The following SBK1 variants were observed in gnomAD, a reference collection of about 807,000 sequenced individuals.
SBK1 encodes the protein SH3 domain binding kinase 1.
Under a neutral mutation model 24.4 loss-of-function variants are expected in SBK1, and 11 were observed. The ratio of observed to expected loss-of-function variants is 0.45; its 90% confidence interval spans 0.28 to 0.75. The LOEUF is 0.75. Ranked by LOEUF, SBK1 falls within the 30% of genes least tolerant of loss-of-function variation. SBK1 has a pLI of 0.12. For synonymous variants in SBK1, 308 were observed against 284.4 expected, an observed-to-expected ratio of 1.08 and a Z score of -0.83; for missense variants, 467 against 620.5, an observed-to-expected ratio of 0.75 and a Z score of 2.63.
chr16:28,267,896 C>G (rs1005765863), intron 1 of SBK1, among the ~76,000 whole-genome samples: 4 of 152,154 alleles, frequency 2.6e-5, no homozygotes, highest in African/African-American at 9.7e-5. Flanking sequence ...GCCTGTAATC[C>G]CAGCGCTTTG....
At chr16:28,307,740 A>C (rs2044727039) in intron 1 of SBK1, among the ~76,000 whole-genome samples, 2 of 105,100 alleles carry the variant, frequency 1.9e-5, no homozygotes, top group Non-Finnish European at 3.6e-5. Context: ...ACTCAGTCTC[A>C]AAAAAAAAAA....
Position 28,259,745 on chromosome 16 carries a change from C to G in SBK1, c.257+243C>G, listed in dbSNP as rs2044385669. Among the ~76,000 whole-genome samples, 1 of 152,200 alleles carries G rather than the reference C, an allele frequency of 6.6e-6. No individual in the cohort carries two copies. The highest frequency in any genetic ancestry group is 2.1e-4 in the South Asian group (1 of 4,832). On this transcript the variant is annotated intron_variant, in intron 1 of 3. Coordinates refer to the SBK1 transcript ENST00000671413. This position sits in a 1 kb window ranked among gnomAD's most constrained non-coding sequence, Gnocchi z 6.0. ...GTCCTCTCCCACAGTGAGCATGTCC[C>G]TCCCCTGCTCAGAGCCCTCCATGGC...
chr16:28,320,799 G>T lies in SBK1; in HGVS notation c.1153G>T (p.Val385Leu). Reference sequence around the variant, plus strand: ...CGTGCCGGTGCCGGTGCCAGTGCCCGTGCCGGTGCCTGTGCCCGAGCCCGG... The same window carrying T: ...CGTGCCGGTGCCGGTGCCAGTGCCCTTGCCGGTGCCTGTGCCCGAGCCCGG... ...LPVPVPVPVP[V>L]PVPVPEPGLA... The change falls in exon 4 of 4, where the codon GTG becomes TTG. Residue 385 changes from valine to leucine, a missense_variant. Transcript: ENST00000341901. The surrounding 1 kb of genome is among the most constrained non-coding windows in gnomAD (Gnocchi z 8.5). 9.8e-6 allele frequency: 14 copies of T among 1,435,386 alleles called. No homozygotes were observed. The South Asian group carries it at 1.4e-4, about 14-fold the overall frequency. The allele number at this position is 1,435,386 out of a possible 1,614,324, so 88.9% of individuals were successfully genotyped here.
chr16:28,297,763 G>A (rs1487841442), intron 1 of SBK1, among the ~76,000 whole-genome samples: 3 of 152,206 alleles, frequency 2.0e-5, no homozygotes, highest in Non-Finnish European at 4.4e-5. Context: ...TCGGCAGGTG[G>A]GTGACTGAGC....
At chr16:28,274,743 G>A (rs1359445451) in intron 1 of SBK1, among the ~76,000 whole-genome samples, 1 of 151,994 alleles carries the variant, frequency 6.6e-6, no homozygotes, top group Admixed American at 6.6e-5. Flanking sequence ...AAAAAGAAAG[G>A]AATCATAGTG....
At chr16:28,298,614 C>T (rs1367819991) in intron 1 of SBK1, among the ~76,000 whole-genome samples, 3 of 152,248 alleles carry the variant, frequency 2.0e-5, no homozygotes, top group East Asian at 1.9e-4. Context: ...GCAGATGAAG[C>T]GCTTGAGCAG....
intron 1 of SBK1, among the ~76,000 whole-genome samples, chr16:28,273,849 CCTT>C (rs1484581510): frequency 6.6e-6 from 1 of 152,198 alleles, no homozygotes; most frequent in East Asian, 1.9e-4. Context: ...ATGACAATGT[CCTT>C]CTATAGGTAC....
At chr16:28,307,022 C>G (rs1010643008) in intron 1 of SBK1, among the ~76,000 whole-genome samples, 1 of 152,174 alleles carries the variant, frequency 6.6e-6, no homozygotes, top group Admixed American at 6.6e-5. Flanking sequence ...GGGCAAGGTG[C>G]TCTCTCCCTC....
At chr16:28,284,297 C>G (rs559253570) in intron 1 of SBK1, among the ~76,000 whole-genome samples, 2 of 152,264 alleles carry the variant, frequency 1.3e-5, no homozygotes, top group Non-Finnish European at 2.9e-5. Context: ...TGCCAAATGT[C>G]TCCGATTCCT....
intron 1 of SBK1, among the ~76,000 whole-genome samples, chr16:28,272,908 C>A (rs1171998860): frequency 6.6e-6 from 1 of 151,912 alleles, no homozygotes; most frequent in Non-Finnish European, 1.5e-5. Context: ...GCGTGAGCCA[C>A]CATGCCTGGC....
At chr16:28,305,867 A>C (rs2044713244) in intron 1 of SBK1, among the ~76,000 whole-genome samples, 1 of 152,182 alleles carries the variant, frequency 6.6e-6, no homozygotes, top group South Asian at 2.1e-4. Flanking sequence ...ACGTAGTCAG[A>C]TAAACTGTCT....
chr16:28,318,901 C>G, intron 2 of SBK1, 94 bp from the exon 3 acceptor site: 2 of 896,504 alleles, frequency 2.2e-6, no homozygotes, highest in Non-Finnish European at 3.8e-6. Flanking sequence ...GCTGGGGACC[C>G]TGTTGCACCA....
At chr16:28,308,719 A>G (rs1407720064) in intron 1 of SBK1, among the ~76,000 whole-genome samples, 1 of 148,766 alleles carries the variant, frequency 6.7e-6, no homozygotes, top group Non-Finnish European at 1.5e-5. Flanking sequence ...GGCACAAGCT[A>G]TCGTGCCTGG....
rs756185530 is a variant in SBK1 at position 28,320,599 on chromosome 16, C to A, written c.953C>A (p.Thr318Lys). 2.1e-5 allele frequency: 31 copies of A among 1,463,014 alleles called. No homozygotes were observed. The highest frequency in any genetic ancestry group is 2.8e-5 in the Non-Finnish European group (31 of 1,112,208). The allele number at this position is 1,463,014 out of a possible 1,614,324, so 90.6% of individuals were successfully genotyped here. The change falls in exon 4 of 4, where the codon ACG becomes AAG. Residue 318 changes from threonine to lysine, a missense_variant. Around this residue, in one of 4 missense-constraint regions of SBK1, gnomAD observed 86 missense variants for 121.7 expected, o/e 0.71. Coordinates refer to ENST00000341901, the MANE Select transcript of SBK1 (RefSeq NM_001024401.3). This position sits in a 1 kb window ranked among gnomAD's most constrained non-coding sequence, Gnocchi z 8.5. Reference sequence around the variant, plus strand: ...TTCCGCTTCCTCAAGCACGAGCTCACGTCCGAGCTGCGCCGCCGGCCCTCG... The same window carrying A: ...TTCCGCTTCCTCAAGCACGAGCTCAAGTCCGAGCTGCGCCGCCGGCCCTCG... ...EVFRFLKHELTSELRRRPSHR... is the reference protein window; with the variant it reads ...EVFRFLKHELKSELRRRPSHR...
At chr16:28,302,530 G>A (rs2044686153) in intron 1 of SBK1, among the ~76,000 whole-genome samples, 2 of 152,214 alleles carry the variant, frequency 1.3e-5, no homozygotes, top group Non-Finnish European at 2.9e-5. Flanking sequence ...TGGGAATTCA[G>A]GGGGCAGTTG....
At chr16:28,308,508 G>C (rs1253538145) in intron 1 of SBK1, among the ~76,000 whole-genome samples, 2 of 111,220 alleles carry the variant, frequency 1.8e-5, no homozygotes, top group Non-Finnish European at 3.3e-5. Flanking sequence ...ACTCTGTTGA[G>C]ACCTCCCAGG....
intron 1 of SBK1, among the ~76,000 whole-genome samples, chr16:28,309,848 CTG>C (rs1433014932): frequency 3.9e-5 from 6 of 152,148 alleles, no homozygotes; most frequent in African/African-American, 9.7e-5. Context: ...ACACGTGTGT[CTG>C]TGTGTGTGCG....
At chr16:28,280,554 C>A (rs867771758) in intron 1 of SBK1, among the ~76,000 whole-genome samples, 1 of 151,846 alleles carries the variant, frequency 6.6e-6, no homozygotes, top group Non-Finnish European at 1.5e-5. Flanking sequence ...GCTTTAACCC[C>A]CTAAGGATGG....
chr16:28,286,766 C>T (rs991058793), intron 1 of SBK1: 2 of 152,268 alleles, frequency 1.3e-5, no homozygotes, highest in African/African-American at 4.8e-5. Flanking sequence ...CATCACAGGA[C>T]ATGCTGGGGA....
Sources: gnomAD v4.1 joint callset for allele counts (sites outside exome capture counted in the v4.1 genomes callset) on GRCh38, gnomAD v4.1.1 for gene constraint, gnomAD v4.1.1 regional missense constraint, Gnocchi (gnomAD v3.1) non-coding constraint, MANE v1.5 for transcripts, NCBI Gene and HGNC (gene_info 2026-07-23, HGNC 2026-07-21) for gene names.